Variants in TDRD12 observed in about 807,000 individuals in gnomAD.
The protein encoded by TDRD12 is tudor domain containing 12.
Under a neutral mutation model 133.5 loss-of-function variants are expected in TDRD12, and 158 were observed. The ratio of observed to expected loss-of-function variants is 1.18; its 90% CI spans 1.04 to 1.35. The LOEUF is 1.35. TDRD12 is among the 40% of genes most tolerant of loss of function. The pLI is 0.00. For missense variants in TDRD12, 1,443 were observed against 1,321.3 expected (o/e 1.09, Z -1.43); for synonymous variants, 460 against 477.9 (o/e 0.96, Z 0.49).
chr19:32,750,676 G>T (rs183798789), intron 6 of TDRD12, among the ~76,000 whole-genome samples: 2 of 152,072 alleles, frequency 1.3e-5, no homozygotes, highest in South Asian at 2.1e-4. Flanking sequence ...CTCCCACTGC[G>T]CCTGTTTGTC....
intron 1 of TDRD12, among the ~76,000 whole-genome samples, chr19:32,730,511 A>G (rs866747170): frequency 3.3e-5 from 5 of 152,156 alleles, no homozygotes; most frequent in African/African-American, 9.7e-5. Context: ...CCCACAGGTG[A>G]TATAGAAACT....
chr19:32,802,938 A>G (rs1971442230), exon 21 of TDRD12: 1 of 1,535,588 alleles, frequency 6.5e-7, no homozygotes, highest in Admixed American at 2.0e-5. Context: ...CCTGCAGAAC[A>G]GGGAGATAAG....
chr19:32,828,388 T>TC (rs1555779882), exon 10 of TDRD12: 4 of 151,874 alleles, frequency 2.6e-5, no homozygotes, highest in African/African-American at 9.7e-5. Flanking sequence ...GCTGCAGCAC[T>TC]GGGGGGGGTC....
chr19:32,797,201 A>G (rs7245648), intron 14 of TDRD12, among the ~76,000 whole-genome samples: 11,884 of 151,992 alleles, frequency 0.078, 841 homozygotes, highest in East Asian at 0.24. Context: ...GGCTGGTCTC[A>G]CACTCCTGAC....
At chr19:32,784,622 A>AT (rs1273310544) in intron 11 of TDRD12, among the ~76,000 whole-genome samples, 3 of 151,786 alleles carry the variant, frequency 2.0e-5, no homozygotes, top group Non-Finnish European at 4.4e-5. Flanking sequence ...TGTTCCTGGA[A>AT]TTTTTTTTGG....
At chr19:32,789,724 G>A (rs1971012966) in intron 11 of TDRD12, among the ~76,000 whole-genome samples, 1 of 152,188 alleles carries the variant, frequency 6.6e-6, no homozygotes, top group Admixed American at 6.5e-5. Flanking sequence ...TACAGGGCCG[G>A]GCGCAGTGGC....
exon 1 of TDRD12, chr19:32,719,888 G>A: frequency 7.4e-6 from 5 of 675,390 alleles, no homozygotes; most frequent in Non-Finnish European, 1.3e-5. Flanking sequence ...CGACCCCGGG[G>A]TCCGCGAGGG....
chr19:32,770,353 T>C (rs1457441702), intron 8 of TDRD12, among the ~76,000 whole-genome samples: 8 of 152,116 alleles, frequency 5.3e-5, no homozygotes, highest in Admixed American at 5.2e-4. Context: ...CTATTTTCTT[T>C]ATTATTTTCT....
intron 11 of TDRD12, among the ~76,000 whole-genome samples, chr19:32,779,255 C>G (rs1970693744): frequency 6.6e-6 from 1 of 152,186 alleles, no homozygotes; most frequent in Non-Finnish European, 1.5e-5. Flanking sequence ...GGCTCATTGC[C>G]AGGGGCCAGG....
chr19:32,803,242 A>G (rs1380820839), intron 21 of TDRD12, 100 bp downstream of exon 21: 1 of 918,588 alleles, frequency 1.1e-6, no homozygotes, highest in African/African-American at 1.7e-5. Flanking sequence ...AGAAGCCACC[A>G]CCCACTCTGA....
intron 2 of TDRD12, among the ~76,000 whole-genome samples, chr19:32,737,256 T>C (rs916907915): frequency 6.6e-6 from 1 of 152,050 alleles, no homozygotes; most frequent in African/African-American, 2.4e-5. Flanking sequence ...CAGGCTGGAG[T>C]GTAGTGGCGC....
chr19:32,822,606 G>T (rs1215954578), downstream of TDRD12, among the ~76,000 whole-genome samples: 2 of 151,666 alleles, frequency 1.3e-5, no homozygotes, highest in East Asian at 1.9e-4. Flanking sequence ...AATTAGCCAG[G>T]CGTGGTGGTG....
chr19:32,764,302 G>A (rs1055601157), intron 8 of TDRD12, among the ~76,000 whole-genome samples: 4 of 151,616 alleles, frequency 2.6e-5, no homozygotes, highest in African/African-American at 9.7e-5. Flanking sequence ...AGCAGAGATG[G>A]GGTTTCACCG....
At chr19:32,754,748 C>T (rs1568460530) in intron 6 of TDRD12, among the ~76,000 whole-genome samples, 1 of 138,782 alleles carries the variant, frequency 7.2e-6, no homozygotes, top group Non-Finnish European at 1.5e-5. Context: ...GCAATCTTGG[C>T]TCACCGCAAC....
At chr19:32,757,354 G>A (rs1183864741) in intron 8 of TDRD12, among the ~76,000 whole-genome samples, 1 of 152,150 alleles carries the variant, frequency 6.6e-6, no homozygotes, top group Non-Finnish European at 1.5e-5. Context: ...ACCAGTTCAT[G>A]TGCAGGACTG....
intron 10 of TDRD12, among the ~76,000 whole-genome samples, chr19:32,776,218 A>G (rs1235735130): frequency 6.6e-6 from 1 of 152,238 alleles, no homozygotes; most frequent in East Asian, 1.9e-4. Context: ...ATTGGTGTGC[A>G]GTAATGTGGA....
chr19:32,766,304 C>G (rs1318359057), intron 8 of TDRD12, among the ~76,000 whole-genome samples: 1 of 152,078 alleles, frequency 6.6e-6, no homozygotes, highest in East Asian at 1.9e-4. Context: ...TACAGATATG[C>G]AATGTGAAAT....
At chr19:32,795,258 G>A (rs1971190265) in intron 14 of TDRD12, among the ~76,000 whole-genome samples, 1 of 151,290 alleles carries the variant, frequency 6.6e-6, no homozygotes, top group South Asian at 2.1e-4. Context: ...ACTTGAACCT[G>A]GGAGGCGAAG....
chr19:32,796,252 T>C, intron 14 of TDRD12: 1 of 875,220 alleles, frequency 1.1e-6, no homozygotes, highest in Non-Finnish European at 1.4e-6. Context: ...TACTAGCTCA[T>C]TTTTCTAACC....
Sources: gnomAD v4.1 joint callset for allele counts (sites outside exome capture counted in the v4.1 genomes callset) on GRCh38, gnomAD v4.1.1 for gene constraint, MANE v1.5 for transcripts, NCBI Gene and HGNC (gene_info 2026-07-23, HGNC 2026-07-21) for gene names.